Variants in PIAS1 observed in about 807,000 individuals in gnomAD.
PIAS1 encodes the protein protein inhibitor of activated STAT 1.
A neutral mutation model predicts 71.3 loss-of-function variants in PIAS1; 6 were observed. The observed-to-expected ratio is 0.08, with a 90% CI of 0.05 to 0.17. The LOEUF (loss-of-function observed/expected upper bound fraction) is 0.17, where lower values mean the gene tolerates loss of function less well. Among genes scored for constraint, PIAS1 ranks in the 10% least tolerant of loss-of-function variants. The probability of loss-of-function intolerance (pLI) is 1.00; values close to 1 mark genes in which losing one functional copy is unlikely to be tolerated. For synonymous variants in PIAS1, 303 were observed against 292.9 expected (o/e 1.03, Z -0.35); for missense variants, 555 against 793.6 (o/e 0.70, Z 3.61).
intron 12 of PIAS1, among the ~76,000 whole-genome samples, chr15:68,182,490 C>CGTGTGT (rs67774530): frequency 0.061 from 7,549 of 123,300 alleles, 861 homozygotes; most frequent in African/African-American, 0.098. Flanking sequence ...GCTCAGGCTG[C>CGTGTGT]GTGTGTGTGT....
At chr15:68,089,454 C>A (rs1370061112) in intron 2 of PIAS1, among the ~76,000 whole-genome samples, 1 of 152,116 alleles carries the variant, frequency 6.6e-6, no homozygotes, top group Non-Finnish European at 1.5e-5. Flanking sequence ...TTTCTTTAAC[C>A]TTTTTCATTT....
intron 2 of PIAS1, among the ~76,000 whole-genome samples, chr15:68,126,294 T>C (rs1420784651): frequency 6.6e-6 from 1 of 152,214 alleles, no homozygotes; most frequent in East Asian, 1.9e-4. Flanking sequence ...TCCTTGTCTT[T>C]TTGCTTTACT....
At chr15:68,162,880 A>G (rs966301233) in intron 7 of PIAS1, among the ~76,000 whole-genome samples, 1 of 152,214 alleles carries the variant, frequency 6.6e-6, no homozygotes, top group African/African-American at 2.4e-5. Flanking sequence ...GAAGAAGGGT[A>G]TCCCAGCTCA....
intron 1 of PIAS1, among the ~76,000 whole-genome samples, chr15:68,078,565 C>T (rs930867220): frequency 5.9e-5 from 9 of 152,154 alleles, no homozygotes; most frequent in African/African-American, 1.9e-4. Context: ...ATTTCCTGTC[C>T]GTGTCTCAGT....
At chr15:68,177,652 T>C (rs1448551100) in intron 11 of PIAS1, among the ~76,000 whole-genome samples, 1 of 152,218 alleles carries the variant, frequency 6.6e-6, no homozygotes, top group Non-Finnish European at 1.5e-5. Flanking sequence ...GATAATAAAA[T>C]GAGTAAGTAC....
intron 2 of PIAS1, among the ~76,000 whole-genome samples, chr15:68,100,019 G>A (rs1266171322): frequency 6.7e-6 from 1 of 149,770 alleles, no homozygotes; most frequent in Admixed American, 6.7e-5. Context: ...GAGTTCCTTT[G>A]CATATTGTAG....
chr15:68,119,796 T>G (rs1366128325), intron 2 of PIAS1, among the ~76,000 whole-genome samples: 2 of 152,178 alleles, frequency 1.3e-5, no homozygotes, highest in Non-Finnish European at 2.9e-5. Context: ...TGTGGATTTG[T>G]TTATTTCTCA....
intron 2 of PIAS1, among the ~76,000 whole-genome samples, chr15:68,141,253 A>G (rs946171046): frequency 6.6e-6 from 1 of 152,120 alleles, no homozygotes; most frequent in Non-Finnish European, 1.5e-5. Context: ...ATAACGGCAT[A>G]CTTTAGAACC....
In PIAS1 at chr15:68,054,411, A is replaced by T; in HGVS notation, c.24+61A>T. 3 of 1,530,400 alleles carry T rather than the reference A, an allele frequency of 2.0e-6. No individual in the cohort carries two copies. The highest frequency in any genetic ancestry group is 2.7e-6 in the Non-Finnish European group (3 of 1,129,454). The allele number at this position is 1,530,400 out of a possible 1,614,324, so 94.8% of individuals were successfully genotyped here. ...CCGCGGAGACGGCGCCGCTGCTGCCAGGGGGGATGGGTCCGACCCTGGGGG... is the reference window on the plus strand; with the variant it reads ...CCGCGGAGACGGCGCCGCTGCTGCCTGGGGGGATGGGTCCGACCCTGGGGG... On this transcript the variant is annotated intron_variant, in intron 1 of 13. Transcript: ENST00000249636. The surrounding 1 kb of genome is among the most constrained non-coding windows in gnomAD (Gnocchi z 4.6).
In PIAS1 at chr15:68,086,918, T is replaced by G. The variant is rs1418991051; in HGVS notation, c.469+168T>G. On this transcript the variant is annotated intron_variant, in intron 2 of 13. Coordinates refer to ENST00000249636, the MANE Select transcript of PIAS1 (RefSeq NM_016166.3). The surrounding 1 kb of genome is among the most constrained non-coding windows in gnomAD (Gnocchi z 7.2). ...TAGATAAAATCAAATATATAAAAGC[T>G]GTCTTTCAGGAAAAAAGGTAGTATA... Among the ~76,000 whole-genome samples the G allele has an allele frequency of 2.0e-5, 3 of 152,182 alleles. No individual in the cohort carries two copies. The highest frequency in any genetic ancestry group is 4.4e-5 in the Non-Finnish European group (3 of 68,024).
At chr15:68,136,839 T>C (rs2092737340) in intron 2 of PIAS1, among the ~76,000 whole-genome samples, 1 of 152,218 alleles carries the variant, frequency 6.6e-6, no homozygotes, top group Non-Finnish European at 1.5e-5. Context: ...GAAATATTTG[T>C]AGCAAATTTC....
At chr15:68,057,539 A>C (rs2091910123) in intron 1 of PIAS1, 3 of 430,820 alleles carry the variant, frequency 7.0e-6, no homozygotes, top group South Asian at 5.1e-5. Flanking sequence ...AATGAAATTA[A>C]ATGGGAAGAG....
chr15:68,172,801 C>G (rs1296755826), intron 8 of PIAS1, among the ~76,000 whole-genome samples: 1 of 152,170 alleles, frequency 6.6e-6, no homozygotes, highest in African/African-American at 2.4e-5. Context: ...AGCTCAGGGA[C>G]CAGATGAAGC....
At position 68,086,665 on chromosome 15, in the gene PIAS1, T is replaced by C; in HGVS notation, c.384T>C (p.Ala128=). 1 of 1,613,484 alleles carries C rather than the reference T, an allele frequency of 6.2e-7. No individual in the cohort carries two copies. The highest frequency in any genetic ancestry group is 8.5e-7 in the Non-Finnish European group (1 of 1,179,482). Reference sequence around the variant, plus strand: ...TGGAACTCCCACATCTTACATCAGCTCTTCACCCAGTCCATCCGGATATAA... The same window carrying C: ...TGGAACTCCCACATCTTACATCAGCCCTTCACCCAGTCCATCCGGATATAA... ...HELELPHLTS[A]LHPVHPDIKL... Residue 128 remains alanine (A), a synonymous_variant, in exon 2 of 14, where the codon GCT becomes GCC. Coordinates refer to ENST00000249636, the MANE Select transcript of PIAS1 (RefSeq NM_016166.3). The surrounding 1 kb of genome is among the most constrained non-coding windows in gnomAD (Gnocchi z 7.2).
rs1267015100 is a variant in PIAS1, at chr15:68,178,272, A to C, written c.1481+1618A>C. ...GTGACAGAATGAGACCCCATCTCAA[A>C]AAAAAATAAGATTTCAGTCAAACAT... On this transcript the variant is annotated intron_variant, in intron 11 of 13. Coordinates refer to ENST00000249636, the MANE Select transcript of PIAS1 (RefSeq NM_016166.3). This position sits in a 1 kb window ranked among gnomAD's most constrained non-coding sequence, Gnocchi z 4.2. Among the ~76,000 whole-genome samples, 1 of 152,242 alleles carries C rather than the reference A, an allele frequency of 6.6e-6. No homozygotes were observed. The highest frequency in any genetic ancestry group is 2.4e-5 in the African/African-American group (1 of 41,454).
chr15:68,119,906 C>T (rs1265726588), intron 2 of PIAS1, among the ~76,000 whole-genome samples: 4 of 152,172 alleles, frequency 2.6e-5, no homozygotes, highest in Non-Finnish European at 5.9e-5. Context: ...TCTCTCTATC[C>T]CTAGTAATAT....
At chr15:68,116,687 C>G (rs911365843) in intron 2 of PIAS1, among the ~76,000 whole-genome samples, 2 of 151,666 alleles carry the variant, frequency 1.3e-5, no homozygotes, top group East Asian at 3.9e-4. Context: ...GATTTAAGAC[C>G]TTTTTTTTCT....
rs1360520042 is a variant in PIAS1 at position 68,176,378 on chromosome 15, T to C, written c.1301-96T>C. On this transcript the variant is annotated intron_variant, in intron 10 of 13. Transcript: ENST00000249636. ...CTACTCTCTGGCTCCAACAATATTG[T>C]GAATCTAAACTGTAACTGATAAACT... The C allele has an allele frequency of 9.7e-6, 7 of 724,042 alleles. No homozygotes were observed. The African/African-American group carries it at 1.1e-4, about 11-fold the overall frequency. 44.9% of individuals were successfully genotyped at this position (724,042 alleles called of 1,614,324 possible). A position where few individuals can be genotyped will look rare whatever the true frequency, so the allele number is the denominator to read the frequency against.
At position 68,192,876 on chromosome 15, in the gene PIAS1, G is replaced by C. The variant is rs2093126731; in HGVS notation, c.*5041G>C. ...CTGCACCCCTACCTGTGTTGGTGTG[G>C]TACTCCAGCCCTTTTAGGACTGTGC... On this transcript the variant is annotated 3_prime_UTR_variant, in exon 14 of 14. Coordinates refer to ENST00000249636, the MANE Select transcript of PIAS1 (RefSeq NM_016166.3). The C allele has an allele frequency of 6.6e-6, 1 of 152,218 alleles. No homozygotes were observed. Among genetic ancestry groups the C allele is most frequent in the African/African-American group, 2.4e-5 (1 of 41,442 alleles). The allele number at this position is 152,218 out of a possible 1,614,324, so 9.4% of individuals were successfully genotyped here.
Sources: allele counts gnomAD v4.1 joint callset (sites outside exome capture counted in the v4.1 genomes callset), GRCh38; gene constraint gnomAD v4.1.1; non-coding constraint Gnocchi (gnomAD v3.1); transcripts MANE v1.5; gene names NCBI Gene and HGNC (gene_info 2026-07-23, HGNC 2026-07-21).